Variants in ELFN2 observed in about 807,000 individuals in gnomAD.
ELFN2 encodes the protein extracellular leucine rich repeat and fibronectin type III domain containing 2.
A neutral mutation model predicts 45.5 loss-of-function variants in ELFN2; 17 were observed. That is an observed-to-expected ratio of 0.37 (90% CI 0.26 to 0.56). The LOEUF (loss-of-function observed/expected upper bound fraction) is 0.56. ELFN2 is among the 20% of genes least tolerant of loss of function. The pLI, the probability that ELFN2 is intolerant of heterozygous loss-of-function variation, is 0.77. For missense variants in ELFN2, 922 were observed against 1,183.2 expected, an observed-to-expected ratio of 0.78 and a Z score of 3.24; for synonymous variants, 550 against 551.5, an observed-to-expected ratio of 1.00 and a Z score of 0.04.
chr22:37,412,491 T>G (rs1007855000), intron 2 of ELFN2, among the ~76,000 whole-genome samples: 12 of 151,894 alleles, frequency 7.9e-5, no homozygotes, highest in African/African-American at 2.4e-4. Context: ...CCTACCTGAT[T>G]GCAGGACTCT....
downstream of ELFN2, among the ~76,000 whole-genome samples, chr22:37,365,150 T>G (rs1931175490): frequency 6.6e-6 from 1 of 152,156 alleles, no homozygotes; most frequent in South Asian, 2.1e-4. Context: ...GCTGAGTGCC[T>G]GGAACCCTGC....
At chr22:37,409,935 C>T (rs1458553640) in intron 2 of ELFN2, among the ~76,000 whole-genome samples, 1 of 152,180 alleles carries the variant, frequency 6.6e-6, no homozygotes, top group Non-Finnish European at 1.5e-5. Context: ...GCCTTGGGAA[C>T]AGGCAGTGGC....
chr22:37,386,783 G>A (rs370377193), intron 2 of ELFN2, among the ~76,000 whole-genome samples: 13 of 152,322 alleles, frequency 8.5e-5, no homozygotes, highest in Non-Finnish European at 1.5e-4. Context: ...CACCAACTCC[G>A]CGTGGCCAGT....
intron 1 of ELFN2, chr22:37,354,701 C>T (rs1167409668): frequency 6.6e-6 from 1 of 151,054 alleles, no homozygotes; most frequent in African/African-American, 2.4e-5. Flanking sequence ...TCATTTAATA[C>T]AGGGGTTCTC....
At chr22:37,399,193 T>G (rs554809529) in intron 2 of ELFN2, among the ~76,000 whole-genome samples, 8 of 152,180 alleles carry the variant, frequency 5.3e-5, no homozygotes. Context: ...TTCCCCGGCC[T>G]GGAGTACCCT....
rs116791824 is a variant in ELFN2 at position 37,378,853 on chromosome 22, T to C, written c.-462-2857A>G. Among the ~76,000 whole-genome samples the C allele has an allele frequency of 7.0e-3, 1,072 of 152,342 alleles. 11 individuals carry two copies. Among genetic ancestry groups the C allele is most frequent in the African/African-American group, 0.024 (984 of 41,574 alleles). On this transcript the variant is annotated intron_variant, in intron 2 of 2. Transcript: ENST00000402918. ...GCAGAGAAGGCGCTGACAGCAGCAC[T>C]TGGCCCCTAGCCCAGCTGTTCACGC...
chr22:37,393,266 C>G (rs570010564), intron 2 of ELFN2, among the ~76,000 whole-genome samples: 31 of 152,364 alleles, frequency 2.0e-4, no homozygotes, highest in Admixed American at 4.6e-4. Context: ...CTTGGACTCA[C>G]GTAATCCCTC....
At chr22:37,401,746 G>A (rs372789823) in intron 2 of ELFN2, among the ~76,000 whole-genome samples, 7 of 152,200 alleles carry the variant, frequency 4.6e-5, no homozygotes, top group Admixed American at 6.5e-5. Context: ...GCATGCAAAC[G>A]AGGGGCATAA....
intron 1 of ELFN2, among the ~76,000 whole-genome samples, chr22:37,351,160 C>T (rs1050247890): frequency 1.3e-5 from 2 of 149,618 alleles, no homozygotes; most frequent in South Asian, 2.1e-4. Context: ...CCCTCCTCTC[C>T]TCCTTCTCCC....
In ELFN2 at chr22:37,375,820, G is replaced by C; in HGVS notation, c.-286C>G. Reference sequence around the variant, plus strand: ...TGCTAGGAAGGTGCAAGGGTTCTCAGGGCTTGACTTCCTCTCCCTCCTCCT... The same window carrying C: ...TGCTAGGAAGGTGCAAGGGTTCTCACGGCTTGACTTCCTCTCCCTCCTCCT... On this transcript the variant is annotated 5_prime_UTR_variant, in exon 3 of 3. Coordinates refer to ENST00000402918, the MANE Select transcript of ELFN2 (RefSeq NM_052906.5). The C allele has an allele frequency of 2.1e-6, 1 of 482,216 alleles. No individual in the cohort carries two copies. The highest frequency in any genetic ancestry group is 3.6e-5 in the East Asian group (1 of 27,598). 29.9% of individuals were successfully genotyped at this position (482,216 alleles called of 1,614,324 possible).
chr22:37,408,131 G>A (rs776338516), intron 2 of ELFN2, among the ~76,000 whole-genome samples: 32 of 152,194 alleles, frequency 2.1e-4, no homozygotes, highest in African/African-American at 5.8e-4. Flanking sequence ...CCCCCCAGGG[G>A]CTGCGGTCTA....
At chr22:37,423,346 A>AGATAAG (rs1932824701) in intron 1 of ELFN2, among the ~76,000 whole-genome samples, 1 of 152,168 alleles carries the variant, frequency 6.6e-6, no homozygotes, top group Non-Finnish European at 1.5e-5. Context: ...GGGTCACTGC[A>AGATAAG]CCCATTTACA....
At chr22:37,346,439 C>T (rs1930698529) in intron 1 of ELFN2, among the ~76,000 whole-genome samples, 1 of 151,928 alleles carries the variant, frequency 6.6e-6, no homozygotes, top group South Asian at 2.1e-4. Context: ...GGCAGCTGCT[C>T]TGTCCCCACC....
At chr22:37,406,586 T>TC (rs1046810311) in intron 2 of ELFN2, among the ~76,000 whole-genome samples, 3 of 141,206 alleles carry the variant, frequency 2.1e-5, no homozygotes, top group African/African-American at 5.4e-5. Context: ...TAGCAGCCCC[T>TC]CCCGTCCCCC....
Position 37,375,977 on chromosome 22 carries a change from G to C in ELFN2, c.-443C>G. ...AGAGAGATGGGGGCAGGAAGGAAGA[G>C]ACCCATCTGCACCTGGTTCCTGAAA... On this transcript the variant is annotated 5_prime_UTR_variant, in exon 3 of 3. Transcript: ENST00000402918. 1 of 206,544 alleles carries C rather than the reference G, an allele frequency of 4.8e-6. No homozygotes were observed. The highest frequency in any genetic ancestry group is 1.0e-5 in the Non-Finnish European group (1 of 99,154). The allele number at this position is 206,544 out of a possible 1,614,324, so 12.8% of individuals were successfully genotyped here.
intron 1 of ELFN2, among the ~76,000 whole-genome samples, chr22:37,348,224 AAGG>A (rs970683711): frequency 4.3e-4 from 65 of 152,276 alleles, no homozygotes; most frequent in African/African-American, 1.5e-3. Flanking sequence ...CATGCTGGGG[AAGG>A]AGGAGAGCAG....
intron 2 of ELFN2, among the ~76,000 whole-genome samples, chr22:37,400,974 G>A (rs1932347122): frequency 1.3e-5 from 2 of 152,262 alleles, no homozygotes; most frequent in Admixed American, 6.5e-5. Context: ...TCCTGGCTCT[G>A]TGCCAAGTCC....
rs1220427592 is a variant in ELFN2, at chr22:37,371,356, G to T, written c.*1716C>A. 6.6e-6 allele frequency: 1 copy of T among 152,304 alleles called. No individual in the cohort carries two copies. Among genetic ancestry groups the T allele is most frequent in the African/African-American group, 2.4e-5 (1 of 41,470 alleles). 9.4% of individuals were successfully genotyped at this position (152,304 alleles called of 1,614,324 possible). A position where few individuals can be genotyped will look rare whatever the true frequency, so the allele number is the denominator to read the frequency against. On this transcript the variant is annotated 3_prime_UTR_variant, in exon 3 of 3. Coordinates refer to ENST00000402918, the MANE Select transcript of ELFN2 (RefSeq NM_052906.5). The surrounding 1 kb of genome is among the most constrained non-coding windows in gnomAD (Gnocchi z 6.4). Reference sequence around the variant, plus strand: ...GTGGGCCACAGGCCCTAGACTGGGGGTCTCTGGCAGGGGCGTGGGGAGAGC... The same window carrying T: ...GTGGGCCACAGGCCCTAGACTGGGGTTCTCTGGCAGGGGCGTGGGGAGAGC...
chr22:37,376,999 C>T (rs1308125235), intron 2 of ELFN2, among the ~76,000 whole-genome samples: 4 of 152,212 alleles, frequency 2.6e-5, no homozygotes, highest in Admixed American at 6.5e-5. Flanking sequence ...GCCTGGAGCC[C>T]CACAACTGCT....
Sources: allele counts gnomAD v4.1 joint callset (sites outside exome capture counted in the v4.1 genomes callset), GRCh38; gene constraint gnomAD v4.1.1; non-coding constraint Gnocchi (gnomAD v3.1); transcripts MANE v1.5; gene names NCBI Gene and HGNC (gene_info 2026-07-23, HGNC 2026-07-21).